Variants in RGS6 observed in about 807,000 individuals in gnomAD.
The protein encoded by RGS6 is regulator of G-protein signaling 6.
RGS6 carries 30 observed loss-of-function variants against 78.5 expected under a neutral mutation model. The observed-to-expected ratio is 0.38, with a 90% confidence interval of 0.29 to 0.52. The LOEUF (loss-of-function observed/expected upper bound fraction) is 0.52. RGS6 is among the 20% of genes least tolerant of loss of function. The pLI is 0.85. For missense variants in RGS6, 495 were observed against 609.7 expected (o/e 0.81, Z 1.98); for synonymous variants, 206 against 206.0 (o/e 1.00, Z 0.00).
At chr14:72,313,019 G>GCAGT (rs1381449496) in intron 2 of RGS6, among the ~76,000 whole-genome samples, 1 of 152,174 alleles carries the variant, frequency 6.6e-6, no homozygotes, top group Non-Finnish European at 1.5e-5. Flanking sequence ...GAATGACCTT[G>GCAGT]CAGTGGGAAT....
intron 2 of RGS6, among the ~76,000 whole-genome samples, chr14:71,972,374 G>T (rs905240698): frequency 2.0e-5 from 3 of 151,552 alleles, no homozygotes; most frequent in Non-Finnish European, 4.4e-5. Flanking sequence ...CTGTACCCTA[G>T]AACTCCTTTA....
rs371780438 is a variant in RGS6 at position 72,017,405 on chromosome 14, A to T, written c.84+52530A>T. Reference sequence around the variant, plus strand: ...TGACAGGTCTTTTCCTTTTCATGTTATGTGGCATTCACTTCTTTTTCTTGT... The same window carrying T: ...TGACAGGTCTTTTCCTTTTCATGTTTTGTGGCATTCACTTCTTTTTCTTGT... On this transcript the variant is annotated intron_variant, in intron 2 of 17. Transcript: ENST00000553525. Among the ~76,000 whole-genome samples, 14 of 152,296 alleles carry T rather than the reference A, an allele frequency of 9.2e-5. 1 individual carries two copies. Among genetic ancestry groups the T allele is most frequent in the Admixed American group, 6.5e-4 (10 of 15,300 alleles).
intron 2 of RGS6, among the ~76,000 whole-genome samples, chr14:72,151,328 A>G (rs889176935): frequency 6.6e-6 from 1 of 152,242 alleles, no homozygotes; most frequent in African/African-American, 2.4e-5. Context: ...AAGTATGTCA[A>G]AAACAGATTG....
rs143658724 is a variant in RGS6 at position 72,055,312 on chromosome 14, AT to A, written c.84+90447del. ...CAACTCTTTGTATTTTCAGACATCA[AT>A]TTTTTTTTTGCCAATTTTGTGTTTA... On this transcript the variant is annotated intron_variant, in intron 2 of 17. Transcript: ENST00000553525. 1.7e-3 allele frequency among the ~76,000 whole-genome samples: 262 copies of A among 150,518 alleles called. No homozygotes were observed. In the East Asian group the frequency reaches 0.018, roughly 11 times the overall value.
At chr14:72,293,889 C>A (rs2152345799) in intron 2 of RGS6, among the ~76,000 whole-genome samples, 1 of 152,340 alleles carries the variant, frequency 6.6e-6, no homozygotes, top group South Asian at 2.1e-4. Context: ...GGGCATGGCT[C>A]TGTTCTAGTA....
intron 2 of RGS6, among the ~76,000 whole-genome samples, chr14:71,969,073 T>C (rs1322232227): frequency 6.6e-6 from 1 of 152,072 alleles, no homozygotes; most frequent in Non-Finnish European, 1.5e-5. Flanking sequence ...GAAGATGCAG[T>C]GTTTGGTTTT....
intron 2 of RGS6, among the ~76,000 whole-genome samples, chr14:72,247,744 C>G (rs564145986): frequency 3.3e-5 from 5 of 152,142 alleles, no homozygotes; most frequent in Non-Finnish European, 5.9e-5. Context: ...GGTTAGTTAT[C>G]GAGAGAGTGG....
intron 2 of RGS6, among the ~76,000 whole-genome samples, chr14:72,143,353 A>G (rs181371476): frequency 2.6e-5 from 4 of 152,270 alleles, no homozygotes; most frequent in Admixed American, 2.6e-4. Context: ...AGCCTGGGCA[A>G]CAGAGTGAGA....
intron 3 of RGS6, among the ~76,000 whole-genome samples, chr14:72,400,224 G>A (rs1041801807): frequency 1.3e-5 from 2 of 152,182 alleles, no homozygotes; most frequent in African/African-American, 4.8e-5. Flanking sequence ...GAGAGTGGGG[G>A]CCAATATTCA....
chr14:72,136,609 C>T (rs959533163), intron 2 of RGS6, among the ~76,000 whole-genome samples: 3 of 152,136 alleles, frequency 2.0e-5, no homozygotes, highest in African/African-American at 7.2e-5. Flanking sequence ...TTGGGGAAAT[C>T]ACTCCCCATG....
At chr14:72,047,917 T>C (rs2092980039) in intron 2 of RGS6, among the ~76,000 whole-genome samples, 1 of 148,162 alleles carries the variant, frequency 6.7e-6, no homozygotes, top group Non-Finnish European at 1.5e-5. Context: ...TTTTTTTTTT[T>C]TTTTAGTAGA....
chr14:72,378,541 G>C (rs1438206610), intron 3 of RGS6, among the ~76,000 whole-genome samples: 1 of 151,830 alleles, frequency 6.6e-6, no homozygotes, highest in East Asian at 1.9e-4. Flanking sequence ...GAAATACAAA[G>C]GATCGTTAGA....
chr14:72,473,642 T>C (rs1305585885), intron 9 of RGS6, among the ~76,000 whole-genome samples: 1 of 151,010 alleles, frequency 6.6e-6, no homozygotes, highest in Non-Finnish European at 1.5e-5. Flanking sequence ...ATGGCAGTTA[T>C]GTTCTATAAA....
chr14:72,265,941 G>GTT (rs1336207894), intron 2 of RGS6, among the ~76,000 whole-genome samples: 77,565 of 145,302 alleles, frequency 0.53, 20,758 homozygotes, highest in African/African-American at 0.56. Context: ...GCTTTTTTGG[G>GTT]GGGGGGGGCG....
chr14:72,197,277 G>T (rs534815710), intron 2 of RGS6, among the ~76,000 whole-genome samples: 1 of 152,274 alleles, frequency 6.6e-6, no homozygotes, highest in East Asian at 1.9e-4. Flanking sequence ...TGTTAGCCAG[G>T]CTAGTCTCAA....
At chr14:72,096,975 C>T (rs111384620) in intron 2 of RGS6, among the ~76,000 whole-genome samples, 9 of 152,178 alleles carry the variant, frequency 5.9e-5, no homozygotes, top group African/African-American at 1.7e-4. Context: ...GTGAGGATAC[C>T]GCTGCTGCAG....
intron 2 of RGS6, among the ~76,000 whole-genome samples, chr14:72,133,451 C>T (rs551269829): frequency 8.5e-5 from 13 of 152,218 alleles, no homozygotes; most frequent in South Asian, 2.1e-4. Flanking sequence ...GCAGGAAAAT[C>T]GGTAAACGCT....
intron 2 of RGS6, among the ~76,000 whole-genome samples, chr14:72,077,192 T>A (rs548067755): frequency 5.9e-5 from 9 of 152,136 alleles, no homozygotes; most frequent in Admixed American, 3.9e-4. Context: ...TTTGTAATTA[T>A]TTATTGGTAT....
chr14:72,084,443 A>T (rs944617566), intron 2 of RGS6, among the ~76,000 whole-genome samples: 1 of 152,148 alleles, frequency 6.6e-6, no homozygotes, highest in Non-Finnish European at 1.5e-5. Flanking sequence ...GCAATTAAGG[A>T]TCTCTGCAAA....
Sources: allele counts gnomAD v4.1 joint callset (sites outside exome capture counted in the v4.1 genomes callset), GRCh38; gene constraint gnomAD v4.1.1; transcripts MANE v1.5; gene names NCBI Gene and HGNC (gene_info 2026-07-23, HGNC 2026-07-21).